Variants in USP34 observed in about 807,000 individuals in gnomAD.
USP34 encodes the protein ubiquitin specific peptidase 34.
In USP34, 70 loss-of-function variants were observed where a neutral mutation model predicts 460.3. The ratio of observed to expected loss-of-function variants is 0.15; its 90% confidence interval spans 0.13 to 0.19. The LOEUF is 0.19. USP34 is among the 10% of genes least tolerant of loss of function. USP34 has a pLI of 1.00. For missense variants in USP34, 3,985 were observed against 4,236.2 expected, an observed-to-expected ratio of 0.94 and a Z score of 1.65; for synonymous variants, 1,647 against 1,405.3, an observed-to-expected ratio of 1.17 and a Z score of -3.85.
chr2:61,203,931 T>TAAA (rs5831600), intron 74 of USP34, among the ~76,000 whole-genome samples: 2 of 144,088 alleles, frequency 1.4e-5, no homozygotes, highest in Non-Finnish European at 3.0e-5. Flanking sequence ...ATGGCCAAAT[T>TAAA]AAAAAAAAAA....
At chr2:61,465,166 G>T (rs559556519) in intron 1 of USP34, among the ~76,000 whole-genome samples, 5 of 145,530 alleles carry the variant, frequency 3.4e-5, no homozygotes, top group Admixed American at 3.4e-4. Flanking sequence ...CAACTTTTAT[G>T]ATATGTGTCA....
intron 34 of USP34, among the ~76,000 whole-genome samples, chr2:61,285,201 G>C (rs1426841878): frequency 6.6e-6 from 1 of 152,202 alleles, no homozygotes; most frequent in African/African-American, 2.4e-5. Flanking sequence ...AGCAACTGTA[G>C]GCTGGGTATG....
chr2:61,193,034 G>A, intron 75 of USP34, 54 bp from the exon 76 acceptor site: 2 of 1,376,068 alleles, frequency 1.5e-6, no homozygotes, highest in South Asian at 1.2e-5. Context: ...ATACTAGTGA[G>A]ATACTCAACT....
At chr2:61,364,791 G>C (rs557633495) in intron 10 of USP34, among the ~76,000 whole-genome samples, 1 of 151,844 alleles carries the variant, frequency 6.6e-6, no homozygotes, top group Non-Finnish European at 1.5e-5. Flanking sequence ...TAGACAATGT[G>C]GTGGTGCGCA....
intron 41 of USP34, among the ~76,000 whole-genome samples, chr2:61,268,430 G>C (rs982501184): frequency 2.5e-4 from 24 of 97,118 alleles, no homozygotes; most frequent in Admixed American, 5.9e-4. Context: ...TCATGCAAGA[G>C]CTGTTGTTAA....
At chr2:61,390,912 T>C (rs766067701) in intron 5 of USP34, among the ~76,000 whole-genome samples, 21 of 151,242 alleles carry the variant, frequency 1.4e-4, no homozygotes, top group Non-Finnish European at 2.9e-4. Context: ...CTGGCCAACA[T>C]GGTGAAACCC....
Position 61,211,765 on chromosome 2 carries a change from T to C in USP34, c.8840+7A>G. The stretch of plus-strand genomic sequence containing the variant: ...TAAACAAGACAAAACTAAAAACATC[T>C]TTTTACCTTATTAAAGTAGTCCAGC... On this transcript the variant is annotated splice_region_variant and intron_variant, in intron 69 of 79. Transcript: ENST00000398571. 3 of 1,563,582 alleles carry C rather than the reference T, an allele frequency of 1.9e-6. No homozygotes were observed. The highest frequency in any genetic ancestry group is 1.7e-6 in the Non-Finnish European group (2 of 1,164,300).
intron 39 of USP34, among the ~76,000 whole-genome samples, chr2:61,278,832 T>C (rs995085745): frequency 2.0e-5 from 3 of 152,128 alleles, no homozygotes; most frequent in Non-Finnish European, 4.4e-5. Flanking sequence ...TTTTTTTTAA[T>C]GACTTTATTG....
intron 58 of USP34, among the ~76,000 whole-genome samples, chr2:61,232,168 A>G (rs1687924930): frequency 6.6e-6 from 1 of 152,170 alleles, no homozygotes; most frequent in Non-Finnish European, 1.5e-5. Flanking sequence ...CTCATAAAGC[A>G]TCTAATAATA....
At chr2:61,374,159 GAAAAAA>G (rs76561805) in intron 8 of USP34, among the ~76,000 whole-genome samples, 1 of 117,702 alleles carries the variant, frequency 8.5e-6, no homozygotes, top group Non-Finnish European at 1.8e-5. Context: ...CCATCTCAGG[GAAAAAA>G]AAAAAAAAAA....
intron 1 of USP34, among the ~76,000 whole-genome samples, chr2:61,467,961 G>A (rs1042722750): frequency 6.6e-6 from 1 of 151,940 alleles, no homozygotes; most frequent in Non-Finnish European, 1.5e-5. Flanking sequence ...TTGAACTGAT[G>A]CTCATCTTTG....
chr2:61,304,530 C>A (rs568827778), intron 27 of USP34, among the ~76,000 whole-genome samples: 1 of 152,308 alleles, frequency 6.6e-6, no homozygotes, highest in South Asian at 2.1e-4. Flanking sequence ...CAGGCAGAGT[C>A]CTCCATCAAT....
In USP34 at chr2:61,380,376, A is replaced by C; in HGVS notation, c.822-15T>G. ...TGCATAAATACCTGAAATGATTCAG[A>C]AATAGAAAATACACAAAAATTCATA... On this transcript the variant is annotated splice_polypyrimidine_tract_variant and intron_variant, in intron 6 of 79. Coordinates refer to ENST00000398571, the MANE Select transcript of USP34 (RefSeq NM_014709.4). The C allele has an allele frequency of 6.3e-7, 1 of 1,586,228 alleles. No homozygotes were observed. Among genetic ancestry groups the C allele is most frequent in the Non-Finnish European group, 8.6e-7 (1 of 1,165,146 alleles).
At chr2:61,278,329 T>A in intron 40 of USP34, 44 bp from the exon 41 acceptor site, 2 of 1,609,716 alleles carry the variant, frequency 1.2e-6, no homozygotes, top group South Asian at 1.1e-5. Context: ...ATAGTTCACA[T>A]AATTATGTCT....
intron 2 of USP34, chr2:61,416,976 C>T (rs1446471706): frequency 2.3e-6 from 3 of 1,303,526 alleles, no homozygotes; most frequent in Non-Finnish European, 3.3e-6. Context: ...TCTCAGCCAC[C>T]ATATCTTCAA....
intron 3 of USP34, among the ~76,000 whole-genome samples, chr2:61,403,119 G>A (rs549592643): frequency 3.2e-4 from 48 of 152,032 alleles, no homozygotes; most frequent in Non-Finnish European, 6.3e-4. Context: ...TATCTCTATG[G>A]GTATTTTTTG....
chr2:61,371,167 G>C (rs920318082), intron 8 of USP34, among the ~76,000 whole-genome samples: 6 of 152,110 alleles, frequency 3.9e-5, no homozygotes, highest in Non-Finnish European at 7.4e-5. Context: ...AAAGTGACTT[G>C]AACAATTCCT....
chr2:61,384,844 A>G (rs1445040805), intron 5 of USP34, among the ~76,000 whole-genome samples: 1 of 152,136 alleles, frequency 6.6e-6, no homozygotes, highest in Non-Finnish European at 1.5e-5. Context: ...GGAAGCCTCA[A>G]TTCCACTTGA....
chr2:61,470,721 G>A lies in USP34; in HGVS notation c.-29C>T, dbSNP rs758048343. On this transcript the variant is annotated 5_prime_UTR_variant, in exon 1 of 80. Coordinates refer to ENST00000398571, the MANE Select transcript of USP34 (RefSeq NM_014709.4). ...TCGGCCGCCGCCCCCCCCCTCCCCC[G>A]CTTCGGATCACACTGACTGATCCCG... 6.4e-7 allele frequency: 1 copy of A among 1,553,776 alleles called. No individual in the cohort carries two copies. Among genetic ancestry groups the A allele is most frequent in the Non-Finnish European group, 8.7e-7 (1 of 1,146,772 alleles).
Sources: allele counts gnomAD v4.1 joint callset (sites outside exome capture counted in the v4.1 genomes callset), GRCh38; gene constraint gnomAD v4.1.1; transcripts MANE v1.5; gene names NCBI Gene and HGNC (gene_info 2026-07-23, HGNC 2026-07-21).